Variants in RPS6KC1 observed in about 807,000 individuals in gnomAD.
The protein encoded by RPS6KC1 is inactive ribosomal protein S6 kinase delta-1.
A neutral mutation model predicts 103.8 loss-of-function variants in RPS6KC1; 54 were observed. That is an observed-to-expected ratio of 0.52 (90% CI 0.42 to 0.65). RPS6KC1 has a LOEUF of 0.65. Among genes scored for constraint, RPS6KC1 ranks in the 30% least tolerant of loss-of-function variants. The pLI is 0.00. For synonymous variants in RPS6KC1, 439 were observed against 438.7 expected (o/e 1.00, Z -0.01); for missense variants, 1,151 against 1,253.8 (o/e 0.92, Z 1.24).
At chr1:213,376,775 C>T in the RPS6KC1 span, among the ~76,000 whole-genome samples, 1 of 152,120 alleles carries the variant, frequency 6.6e-6, no homozygotes, top group African/African-American at 2.4e-5. Context: ...GTAGAGTGAA[C>T]CATACAAGTA....
At chr1:213,686,211 A>G in the RPS6KC1 span, among the ~76,000 whole-genome samples, 1 of 152,228 alleles carries the variant, frequency 6.6e-6, no homozygotes, top group African/African-American at 2.4e-5. Flanking sequence ...ACATCCATGC[A>G]TTTCTATAGC....
the RPS6KC1 span, among the ~76,000 whole-genome samples, chr1:213,364,568 G>A: frequency 2.6e-5 from 4 of 152,092 alleles, no homozygotes; most frequent in African/African-American, 9.7e-5. Context: ...ATTCCTCACT[G>A]CTTGTCTGTC....
chr1:213,459,034 G>A, the RPS6KC1 span, among the ~76,000 whole-genome samples: 24 of 152,218 alleles, frequency 1.6e-4, 1 homozygote, highest in Non-Finnish European at 3.1e-4. Context: ...TTTTCACATC[G>A]ATGTTCATCA....
chr1:213,617,736 G>T, the RPS6KC1 span, among the ~76,000 whole-genome samples: 1 of 152,194 alleles, frequency 6.6e-6, no homozygotes, highest in African/African-American at 2.4e-5. Flanking sequence ...TGAGGGACCT[G>T]TTGAGTGGCT....
rs760833758 is a variant in RPS6KC1 at position 213,272,611 on chromosome 1, G to A, written c.3178G>A (p.Asp1060Asn). 3 of 1,613,270 alleles carry A rather than the reference G, an allele frequency of 1.9e-6. No homozygotes were observed. The highest frequency in any genetic ancestry group is 2.2e-5 in the East Asian group (1 of 44,856). ...IKSHPFFTPV[D>N]WAELMR The stretch of plus-strand genomic sequence containing the variant: ...ATCTCATCCATTTTTTACCCCTGTG[G>A]ATTGGGCAGAACTGATGAGATGAAC... Residue 1060 changes from aspartate (D) to asparagine (N), a missense_variant, in exon 15 of 15, where the codon GAT (aspartate) becomes AAT (asparagine). Physicochemically the swap from Asp to Asn is conservative, Grantham distance 23. Coordinates refer to ENST00000366960, the MANE Select transcript of RPS6KC1 (RefSeq NM_012424.6).
the RPS6KC1 span, among the ~76,000 whole-genome samples, chr1:213,396,971 C>T: frequency 6.6e-6 from 1 of 152,218 alleles, no homozygotes; most frequent in South Asian, 2.1e-4. Flanking sequence ...GGTCTCCTTC[C>T]TCTCTTTGTA....
intron 3 of RPS6KC1, among the ~76,000 whole-genome samples, chr1:213,096,596 C>T (rs576938853): frequency 6.6e-5 from 10 of 151,740 alleles, no homozygotes; most frequent in South Asian, 2.1e-4. Context: ...ACCCGGGAGG[C>T]GGAGGTTGCA....
chr1:213,478,017 G>A, the RPS6KC1 span, among the ~76,000 whole-genome samples: 7,071 of 152,074 alleles, frequency 0.046, 524 homozygotes, highest in African/African-American at 0.15. Flanking sequence ...AATCCTCTGC[G>A]CTCTGCCTAT....
chr1:213,589,938 GGTGTGTGTGTGT>G, the RPS6KC1 span, among the ~76,000 whole-genome samples: 20 of 132,822 alleles, frequency 1.5e-4, no homozygotes, highest in East Asian at 8.8e-4. Flanking sequence ...AAAAGGTAGT[GGTGTGTGTGTGT>G]GTGTGTGTGT....
the RPS6KC1 span, among the ~76,000 whole-genome samples, chr1:213,714,621 GT>G: frequency 6.6e-6 from 1 of 152,224 alleles, no homozygotes; most frequent in East Asian, 1.9e-4. Flanking sequence ...CTGTGTGGAA[GT>G]TAGGCTCAAA....
At chr1:213,199,857 G>A (rs1315737017) in intron 8 of RPS6KC1, among the ~76,000 whole-genome samples, 1 of 152,112 alleles carries the variant, frequency 6.6e-6, no homozygotes, top group Admixed American at 6.5e-5. Flanking sequence ...CAAGCCACGA[G>A]CCAAATCCAG....
chr1:213,136,490 T>C (rs2149046829), intron 6 of RPS6KC1, among the ~76,000 whole-genome samples: 1 of 152,294 alleles, frequency 6.6e-6, no homozygotes, highest in South Asian at 2.1e-4. Context: ...TGAAATGTTA[T>C]CTTCTGCTTA....
chr1:213,487,521 A>G, the RPS6KC1 span, among the ~76,000 whole-genome samples: 8 of 151,924 alleles, frequency 5.3e-5, no homozygotes, highest in Non-Finnish European at 8.8e-5. Context: ...CCCAAGAATG[A>G]TGATGCCATT....
chr1:213,156,360 A>G (rs1251304205), intron 6 of RPS6KC1, among the ~76,000 whole-genome samples: 3 of 152,222 alleles, frequency 2.0e-5, no homozygotes, highest in African/African-American at 7.2e-5. Context: ...ACTTCACTGA[A>G]CTATAGAACT....
chr1:213,750,902 G>T, the RPS6KC1 span, among the ~76,000 whole-genome samples: 1 of 152,144 alleles, frequency 6.6e-6, no homozygotes, highest in South Asian at 2.1e-4. Context: ...AAACAGTCCT[G>T]ACAAAACAAC....
chr1:213,514,502 A>G, the RPS6KC1 span, among the ~76,000 whole-genome samples: 1 of 150,764 alleles, frequency 6.6e-6, no homozygotes, highest in Admixed American at 6.7e-5. Flanking sequence ...TCCTTGCCAT[A>G]GTTTGCTGAG....
the RPS6KC1 span, among the ~76,000 whole-genome samples, chr1:213,469,642 T>G: frequency 6.6e-6 from 1 of 152,190 alleles, no homozygotes; most frequent in African/African-American, 2.4e-5. Context: ...TGACATCATG[T>G]GAGTCCTGCA....
chr1:213,107,109 T>G (rs2082579136), intron 4 of RPS6KC1, among the ~76,000 whole-genome samples: 1 of 151,952 alleles, frequency 6.6e-6, no homozygotes, highest in Admixed American at 6.6e-5. Flanking sequence ...ACCTGGCAAA[T>G]TTTTGTATTT....
At chr1:213,600,251 T>C in the RPS6KC1 span, among the ~76,000 whole-genome samples, 2 of 152,156 alleles carry the variant, frequency 1.3e-5, no homozygotes, top group Admixed American at 6.5e-5. Flanking sequence ...TATGTCTTTA[T>C]AGCAATCTGA....
Sources: allele counts gnomAD v4.1 joint callset (sites outside exome capture counted in the v4.1 genomes callset), GRCh38; gene constraint gnomAD v4.1.1; transcripts MANE v1.5; gene names NCBI Gene and HGNC (gene_info 2026-07-23, HGNC 2026-07-21).